The following ACOT9 variants were observed in gnomAD, a reference collection of about 807,000 sequenced individuals.
The protein encoded by ACOT9 is acyl-coenzyme A thioesterase 9, mitochondrial.
Under a neutral mutation model 39.7 loss-of-function variants are expected in ACOT9, and 34 were observed. The observed-to-expected ratio is 0.86, with a 90% CI of 0.65 to 1.14. ACOT9 has a LOEUF of 1.14. Ranked by LOEUF, ACOT9 falls within the 50% of genes most tolerant of loss-of-function variation. The pLI, the probability that ACOT9 is intolerant of heterozygous loss-of-function variation, is 0.00. For missense variants in ACOT9, 313 were observed against 344.1 expected (o/e 0.91, Z 0.71); for synonymous variants, 110 against 120.5 (o/e 0.91, Z 0.57).
chrX:23,719,681 C>T (rs1320443901), intron 8 of ACOT9, among the ~76,000 whole-genome samples: 1 of 111,339 alleles, frequency 9.0e-6, no homozygotes, highest in African/African-American at 3.3e-5. Context: ...CGATAGGGTT[C>T]GTGCTCCTAT....
intron 1 of ACOT9, among the ~76,000 whole-genome samples, chrX:23,736,250 C>A (rs1228959938): frequency 6.3e-5 from 7 of 111,939 alleles, no homozygotes; most frequent in African/African-American, 1.6e-4. Flanking sequence ...TAATTATCTA[C>A]AAAATAAATA....
chrX:23,710,093 G>GT (rs1323466760), intron 9 of ACOT9, among the ~76,000 whole-genome samples: 1 of 111,912 alleles, frequency 8.9e-6, no homozygotes, highest in African/African-American at 3.2e-5. Context: ...GATTCGCCAT[G>GT]TTGGCCAGGC....
intron 1 of ACOT9, among the ~76,000 whole-genome samples, chrX:23,738,160 C>T (rs1930008890): frequency 1.8e-5 from 2 of 109,837 alleles, no homozygotes; most frequent in African/African-American, 6.6e-5. Flanking sequence ...AGCCACCGCA[C>T]CTGGCCGTCT....
intron 1 of ACOT9, among the ~76,000 whole-genome samples, chrX:23,738,843 C>T (rs1930033490): frequency 8.9e-6 from 1 of 112,058 alleles, no homozygotes; most frequent in South Asian, 3.6e-4. Context: ...TAACCAGTCT[C>T]ACATACCTGA....
At chrX:23,736,153 C>A (rs1941485857) in intron 1 of ACOT9, 137 bp from the exon 2 acceptor site, 2 of 379,623 alleles carry the variant, frequency 5.3e-6, no homozygotes, top group African/African-American at 5.2e-5. Flanking sequence ...AGCTGTTTCA[C>A]AAGTATATGT....
chrX:23,739,787 ACT>A (rs1472003011), intron 1 of ACOT9, among the ~76,000 whole-genome samples: 2 of 109,240 alleles, frequency 1.8e-5, no homozygotes, highest in African/African-American at 6.7e-5. Flanking sequence ...AAAGAGCAAG[ACT>A]CTGTCTCCAA....
intron 4 of ACOT9, 124 bp downstream of exon 4, chrX:23,733,047 AC>A (rs1929813078): frequency 1.7e-6 from 1 of 579,777 alleles, no homozygotes; most frequent in African/African-American, 2.3e-5. Flanking sequence ...CAAGCAAAAT[AC>A]TTCTCAACCT....
At chrX:23,717,098 G>A (rs761449241) in intron 8 of ACOT9, among the ~76,000 whole-genome samples, 1 of 110,871 alleles carries the variant, frequency 9.0e-6, no homozygotes, top group South Asian at 3.8e-4. Flanking sequence ...CTCATGATTC[G>A]CCTGCCTCGG....
chrX:23,707,858 T>C lies in ACOT9; in HGVS notation c.730+19A>G. On this transcript the variant is annotated intron_variant, in intron 10 of 15. Coordinates refer to ENST00000379303, the MANE Select transcript of ACOT9 (RefSeq NM_001037171.2). ...AATGTGCTTTTCAAATTTATTTTAT[T>C]ATAAACAAATTAATGTACATTCCCC... 8.8e-7 allele frequency: 1 copy of C among 1,138,065 alleles called. No homozygotes were observed. The highest frequency in any genetic ancestry group is 1.2e-6 in the Non-Finnish European group (1 of 845,046). 93.8% of individuals were successfully genotyped at this position (1,138,065 alleles called of 1,213,427 possible). A position where few individuals can be genotyped will look rare whatever the true frequency, so the allele number is the denominator to read the frequency against.
At chrX:23,736,102 G>T in intron 1 of ACOT9, 86 bp from the exon 2 acceptor site, 1 of 722,107 alleles carries the variant, frequency 1.4e-6, no homozygotes. Context: ...AGAGTATCTG[G>T]CCATATCACC....
intron 8 of ACOT9, among the ~76,000 whole-genome samples, chrX:23,719,672 G>A (rs1340030505): frequency 2.7e-5 from 3 of 111,038 alleles, no homozygotes; most frequent in Non-Finnish European, 5.7e-5. Context: ...CGCAGCTCAC[G>A]ATAGGGTTCG....
intron 8 of ACOT9, among the ~76,000 whole-genome samples, chrX:23,720,518 G>T (rs1232545290): frequency 9.0e-6 from 1 of 111,453 alleles, no homozygotes; most frequent in Non-Finnish European, 1.9e-5. Context: ...ACACATGAGA[G>T]AACACCATGT....
At chrX:23,704,015 T>C (rs1207792768) in intron 15 of ACOT9, 33 bp from the exon 16 acceptor site, 15 of 1,103,599 alleles carry the variant, frequency 1.4e-5, no homozygotes, top group East Asian at 3.0e-5. Context: ...TTGGAGAAAC[T>C]TGTAATACCG....
chrX:23,704,176 T>TG (rs1213161244), intron 15 of ACOT9, among the ~76,000 whole-genome samples, 194 bp from the exon 16 acceptor site: 1 of 93,975 alleles, frequency 1.1e-5, no homozygotes, highest in Non-Finnish European at 2.1e-5. Context: ...GTTTTTTTTT[T>TG]TTTTTTTTTT....
At chrX:23,740,510 T>A (rs1427433653) in intron 1 of ACOT9, among the ~76,000 whole-genome samples, 1 of 110,282 alleles carries the variant, frequency 9.1e-6, no homozygotes, top group Non-Finnish European at 1.9e-5. Flanking sequence ...ACATTTTTGC[T>A]CACACACACA....
At chrX:23,728,162 AC>A (rs1021448030) in intron 6 of ACOT9, among the ~76,000 whole-genome samples, 9 of 110,984 alleles carry the variant, frequency 8.1e-5, no homozygotes, top group Non-Finnish European at 1.5e-4. Context: ...ATATATTAGA[AC>A]CCTTTTTCAG....
At chrX:23,704,222 G>C (rs1928587071) in intron 15 of ACOT9, among the ~76,000 whole-genome samples, 1 of 99,538 alleles carries the variant, frequency 1.0e-5, no homozygotes, top group South Asian at 5.1e-4. Flanking sequence ...CCAGACTGGA[G>C]TGCAGTGGCA....
chrX:23,708,771 A>G (rs1601805203), intron 9 of ACOT9, among the ~76,000 whole-genome samples: 1 of 111,377 alleles, frequency 9.0e-6, no homozygotes, highest in African/African-American at 3.2e-5. Flanking sequence ...TCACTGTTGA[A>G]TTTCTCAGAT....
chrX:23,707,872 T>C lies in ACOT9; in HGVS notation c.730+5A>G, dbSNP rs777063546. 4.3e-6 allele frequency: 5 copies of C among 1,170,695 alleles called. No homozygotes were observed. In the East Asian group the frequency reaches 1.2e-4, roughly 28 times the overall value. ...ATTTATTTTATTATAAACAAATTAATGTACATTCCCCTTGTCTAAAGAGCT... is the reference window on the plus strand; with the variant it reads ...ATTTATTTTATTATAAACAAATTAACGTACATTCCCCTTGTCTAAAGAGCT... On this transcript the variant is annotated splice_donor_5th_base_variant and intron_variant, in intron 10 of 15. Coordinates refer to ENST00000379303, the MANE Select transcript of ACOT9 (RefSeq NM_001037171.2).
Sources: gnomAD v4.1 joint callset for allele counts (sites outside exome capture counted in the v4.1 genomes callset) on GRCh38, gnomAD v4.1.1 for gene constraint, MANE v1.5 for transcripts, NCBI Gene and HGNC (gene_info 2026-07-23, HGNC 2026-07-21) for gene names.